Variants in TNFAIP8 observed in about 807,000 individuals in gnomAD.
TNFAIP8 encodes tumor necrosis factor alpha-induced protein 8.
In TNFAIP8, 7 loss-of-function variants were observed where a neutral mutation model predicts 13.3. The ratio of observed to expected loss-of-function variants is 0.52; its 90% CI spans 0.30 to 0.99. TNFAIP8 has a LOEUF of 0.99. Ranked by LOEUF, TNFAIP8 falls within the 50% of genes least tolerant of loss-of-function variation. TNFAIP8 has a pLI of 0.07. For synonymous variants in TNFAIP8, 94 were observed against 87.6 expected (o/e 1.07, Z -0.41); for missense variants, 258 against 236.9 (o/e 1.09, Z -0.58).
At chr5:119,316,140 C>T (rs1332099102) in intron 1 of TNFAIP8, 2 of 150,624 alleles carry the variant, frequency 1.3e-5, no homozygotes, top group African/African-American at 4.9e-5. Context: ...CTACAGTTGA[C>T]CTTTTTCTAG....
At chr5:119,296,249 T>C (rs1256917075) in intron 1 of TNFAIP8, among the ~76,000 whole-genome samples, 3 of 152,034 alleles carry the variant, frequency 2.0e-5, no homozygotes, top group Non-Finnish European at 4.4e-5. Flanking sequence ...TTCAGTATGA[T>C]ATTGGCTGTG....
At chr5:119,333,556 C>G in intron 1 of TNFAIP8, 1 of 1,535,172 alleles carries the variant, frequency 6.5e-7, no homozygotes. Flanking sequence ...ATGCATTCCT[C>G]AAGTCTGTAT....
intron 1 of TNFAIP8, among the ~76,000 whole-genome samples, chr5:119,364,368 C>T (rs1751750047): frequency 1.3e-5 from 2 of 152,146 alleles, no homozygotes; most frequent in South Asian, 2.1e-4. Context: ...AAAAGATGCA[C>T]CTATCACTCT....
At chr5:119,343,852 C>T (rs931514096) in intron 1 of TNFAIP8, among the ~76,000 whole-genome samples, 4 of 152,260 alleles carry the variant, frequency 2.6e-5, no homozygotes, top group African/African-American at 7.2e-5. Flanking sequence ...GCAGCAGCTG[C>T]CCCCGCTGTG....
intron 1 of TNFAIP8, among the ~76,000 whole-genome samples, chr5:119,349,402 A>G (rs535806504): frequency 6.6e-6 from 1 of 152,378 alleles, no homozygotes; most frequent in African/African-American, 2.4e-5. Context: ...CTTATTGTAC[A>G]GATGTGCAAA....
intron 1 of TNFAIP8, among the ~76,000 whole-genome samples, chr5:119,331,667 C>T (rs536285461): frequency 1.3e-5 from 2 of 152,278 alleles, no homozygotes; most frequent in South Asian, 2.1e-4. Flanking sequence ...GCCCTGATGC[C>T]ATGAAGGCAG....
chr5:119,348,213 G>C (rs1037829669), intron 1 of TNFAIP8, among the ~76,000 whole-genome samples: 1 of 152,202 alleles, frequency 6.6e-6, no homozygotes, highest in Non-Finnish European at 1.5e-5. Context: ...AATAGCAGAT[G>C]TGTGGTAAGC....
intron 1 of TNFAIP8, among the ~76,000 whole-genome samples, chr5:119,314,357 A>G (rs1486573440): frequency 6.6e-6 from 1 of 152,256 alleles, no homozygotes; most frequent in African/African-American, 2.4e-5. Flanking sequence ...AACTAGTGGT[A>G]AGACCAGGTT....
In TNFAIP8 at chr5:119,356,231, C is replaced by T. The variant is rs547679368; in HGVS notation, c.31+110C>T. 3.9e-6 allele frequency: 4 copies of T among 1,023,844 alleles called. No homozygotes were observed. In the African/African-American group the frequency reaches 5.1e-5, roughly 13 times the overall value. The allele number at this position is 1,023,844 out of a possible 1,614,324, so 63.4% of individuals were successfully genotyped here. On this transcript the variant is annotated intron_variant, in intron 1 of 1. Transcript: ENST00000504771. ...TAAAGTGAGCGGTGGGCACTTTGTC[C>T]GCTTGCCCTGCGCCTTCGAAGCCAA...
intron 1 of TNFAIP8, among the ~76,000 whole-genome samples, chr5:119,370,619 C>G (rs940605120): frequency 1.3e-5 from 2 of 152,200 alleles, no homozygotes; most frequent in South Asian, 4.1e-4. Flanking sequence ...AAACACTGGC[C>G]CCTCCTGGGC....
At chr5:119,282,639 G>A (rs72786107) in intron 1 of TNFAIP8, among the ~76,000 whole-genome samples, 1 of 152,138 alleles carries the variant, frequency 6.6e-6, no homozygotes, top group Non-Finnish European at 1.5e-5. Context: ...CCTTTTCTTT[G>A]TCTACACCCT....
intron 1 of TNFAIP8, among the ~76,000 whole-genome samples, chr5:119,329,039 A>G (rs1750301284): frequency 6.6e-6 from 1 of 152,234 alleles, no homozygotes; most frequent in African/African-American, 2.4e-5. Flanking sequence ...CATGAATCAT[A>G]GGAAGACAGA....
chr5:119,329,809 A>C (rs1750320762), intron 1 of TNFAIP8, among the ~76,000 whole-genome samples: 1 of 151,360 alleles, frequency 6.6e-6, no homozygotes, highest in Non-Finnish European at 1.5e-5. Context: ...CCTTGTCTAG[A>C]CATGGACCAT....
At chr5:119,277,927 A>C (rs1748507663) in intron 1 of TNFAIP8, among the ~76,000 whole-genome samples, 1 of 152,068 alleles carries the variant, frequency 6.6e-6, no homozygotes, top group Non-Finnish European at 1.5e-5. Flanking sequence ...AAAAGCACTA[A>C]TCCACTCATA....
At chr5:119,308,208 A>C (rs1000768684) in intron 1 of TNFAIP8, among the ~76,000 whole-genome samples, 11 of 152,164 alleles carry the variant, frequency 7.2e-5, no homozygotes, top group Admixed American at 6.5e-4. Context: ...GCGTTCTTGC[A>C]AATGACAGCA....
In TNFAIP8 at chr5:119,394,329, T is replaced by C. The variant is rs1206456079; in HGVS notation, c.*948T>C. ...CTGCTAAAGAACATGAGCATAAAAA[T>C]GCGTGCGTTTCAGTGTTTAAGAAGG... On this transcript the variant is annotated 3_prime_UTR_variant, in exon 2 of 2. Transcript: ENST00000504771. 1 of 152,186 alleles carries C rather than the reference T, an allele frequency of 6.6e-6. No homozygotes were observed. Among genetic ancestry groups the C allele is most frequent in the African/African-American group, 2.4e-5 (1 of 41,440 alleles). 9.4% of individuals were successfully genotyped at this position (152,186 alleles called of 1,614,324 possible).
At chr5:119,364,067 C>T (rs1751736369) in intron 1 of TNFAIP8, among the ~76,000 whole-genome samples, 1 of 152,164 alleles carries the variant, frequency 6.6e-6, no homozygotes, top group Admixed American at 6.5e-5. Flanking sequence ...CCCAGCACCT[C>T]CAGGTGGGAT....
intron 1 of TNFAIP8, among the ~76,000 whole-genome samples, chr5:119,346,112 C>T (rs1412038529): frequency 2.0e-5 from 3 of 152,122 alleles, no homozygotes; most frequent in Non-Finnish European, 4.4e-5. Flanking sequence ...CCTGGGCTGG[C>T]AGAGAAGTCA....
At chr5:119,296,569 A>T (rs1749183063) in intron 1 of TNFAIP8, among the ~76,000 whole-genome samples, 1 of 152,078 alleles carries the variant, frequency 6.6e-6, no homozygotes, top group South Asian at 2.1e-4. Context: ...TTCATCAAGG[A>T]TATTGGTCTA....
Sources: gnomAD v4.1 joint callset for allele counts (sites outside exome capture counted in the v4.1 genomes callset) on GRCh38, gnomAD v4.1.1 for gene constraint, MANE v1.5 for transcripts, NCBI Gene and HGNC (gene_info 2026-07-23, HGNC 2026-07-21) for gene names.